The following KALRN variants were observed in gnomAD, a reference collection of about 807,000 sequenced individuals.
KALRN encodes the protein kalirin RhoGEF kinase.
A neutral mutation model predicts 353.7 loss-of-function variants in KALRN; 70 were observed. The observed-to-expected ratio is 0.20, with a 90% CI of 0.16 to 0.24. The LOEUF is 0.24. Ranked by LOEUF, KALRN falls within the 10% of genes least tolerant of loss-of-function variation. The pLI, the probability that KALRN is intolerant of heterozygous loss-of-function variation, is 1.00. For synonymous variants in KALRN, 1,391 were observed against 1,434.8 expected (o/e 0.97, Z 0.69); for missense variants, 2,791 against 3,756.7 (o/e 0.74, Z 6.72).
At chr3:124,240,703 G>C (rs902102384) in intron 3 of KALRN, among the ~76,000 whole-genome samples, 8 of 150,432 alleles carry the variant, frequency 5.3e-5, no homozygotes, top group Non-Finnish European at 1.2e-4. Context: ...CAACTCCCCA[G>C]GGCACTGGGT....
intron 10 of KALRN, among the ~76,000 whole-genome samples, chr3:124,365,458 C>A (rs1212960342): frequency 6.6e-6 from 1 of 152,160 alleles, no homozygotes; most frequent in African/African-American, 2.4e-5. Flanking sequence ...TCTAGAGCAG[C>A]CGTGTGCCTG....
chr3:124,113,631 T>C (rs2063196653), intron 1 of KALRN, among the ~76,000 whole-genome samples: 1 of 152,036 alleles, frequency 6.6e-6, no homozygotes, highest in Admixed American at 6.6e-5. Flanking sequence ...AAGCCATTGG[T>C]AGTTTCTTTT....
intron 17 of KALRN, among the ~76,000 whole-genome samples, chr3:124,437,689 C>CAAAAAAAAAAAA (rs397876079): frequency 2.1e-5 from 1 of 48,332 alleles, no homozygotes; most frequent in East Asian, 7.0e-4. Flanking sequence ...GATTCCGTCT[C>CAAAAAAAAAAAA]AAAAAAAAAA....
chr3:124,171,658 A>T (rs1306809361), intron 1 of KALRN, among the ~76,000 whole-genome samples: 16 of 152,212 alleles, frequency 1.1e-4, no homozygotes, highest in Admixed American at 1.0e-3. Context: ...GAGTGGGCAC[A>T]TAAGGATAGA....
At chr3:124,712,674 G>C (rs925101412) in intron 57 of KALRN, among the ~76,000 whole-genome samples, 1 of 117,130 alleles carries the variant, frequency 8.5e-6, no homozygotes, top group Non-Finnish European at 1.8e-5. Context: ...AAAAAAAAAA[G>C]CTTTATATTA....
At chr3:124,654,424 CT>C (rs1387413884) in intron 38 of KALRN, among the ~76,000 whole-genome samples, 3 of 152,180 alleles carry the variant, frequency 2.0e-5, no homozygotes, top group Non-Finnish European at 4.4e-5. Flanking sequence ...GGTTACCACC[CT>C]TGTGCTGGGG....
chr3:124,063,076 A>G (rs976600934), intron 1 of KALRN, among the ~76,000 whole-genome samples: 2 of 152,148 alleles, frequency 1.3e-5, no homozygotes, highest in Admixed American at 1.3e-4. Flanking sequence ...GGTAGGAGGA[A>G]AAGAGGAGTT....
At chr3:124,444,302 A>C (rs1349777067) in intron 19 of KALRN, among the ~76,000 whole-genome samples, 3 of 152,230 alleles carry the variant, frequency 2.0e-5, no homozygotes, top group African/African-American at 7.2e-5. Context: ...TGGTGATAGC[A>C]GAGGTACAAG....
chr3:124,549,674 T>C (rs1018791120), intron 33 of KALRN, among the ~76,000 whole-genome samples: 21 of 152,098 alleles, frequency 1.4e-4, no homozygotes, highest in Non-Finnish European at 3.1e-4. Flanking sequence ...AGTGTTAAAA[T>C]GTGTAAGATG....
chr3:124,077,543 G>A (rs1369914789), intron 1 of KALRN, among the ~76,000 whole-genome samples: 1 of 151,934 alleles, frequency 6.6e-6, no homozygotes, highest in African/African-American at 2.4e-5. Flanking sequence ...AGTCATTCAG[G>A]TGCATAGCTT....
chr3:124,141,320 C>T (rs2066597757), intron 1 of KALRN, among the ~76,000 whole-genome samples: 1 of 152,208 alleles, frequency 6.6e-6, no homozygotes. Flanking sequence ...ACTCTGTCAG[C>T]CACAACTCCC....
Position 124,719,069 on chromosome 3 carries a change from G to A in KALRN, c.8560G>A (p.Gly2854Ser). Residue 2854 changes from glycine (G) to serine (S), a missense_variant, in exon 60 of 60, where the codon GGC becomes AGC. Around this residue, in one of 11 missense-constraint regions of KALRN, gnomAD observed 188 missense variants for 402.9 expected, o/e 0.47. Coordinates refer to ENST00000682506, the MANE Select transcript of KALRN (RefSeq NM_001388419.1). The surrounding 1 kb of genome is among the most constrained non-coding windows in gnomAD (Gnocchi z 5.3). ...PEFAAPEVIQ[G>S]IPVSLGTDIW... ...GTTTGCTGCCCCAGAAGTCATTCAA[G>A]GCATCCCCGTCTCCCTGGGGACAGA... The A allele has an allele frequency of 6.2e-7, 1 of 1,614,198 alleles. No homozygotes were observed. The highest frequency in any genetic ancestry group is 8.5e-7 in the Non-Finnish European group (1 of 1,180,038).
intron 1 of KALRN, among the ~76,000 whole-genome samples, chr3:124,148,170 G>A (rs187437741): frequency 8.5e-5 from 13 of 152,270 alleles, no homozygotes; most frequent in African/African-American, 2.6e-4. Context: ...TTAGTCAGTA[G>A]CAGGCCATCA....
chr3:124,034,183 C>A (rs944916060), intron 1 of KALRN, among the ~76,000 whole-genome samples: 6 of 152,162 alleles, frequency 3.9e-5, no homozygotes, highest in Non-Finnish European at 7.3e-5. Flanking sequence ...TTGGCTCCCC[C>A]TCCCCTGTGC....
intron 1 of KALRN, among the ~76,000 whole-genome samples, chr3:124,091,613 A>G (rs4678082): frequency 0.89 from 134,985 of 152,170 alleles, 60,549 homozygotes; most frequent in East Asian, 1. Context: ...GTGATATCAA[A>G]TAACTGCTGA....
chr3:124,625,380 A>G (rs2079825388), intron 34 of KALRN, among the ~76,000 whole-genome samples: 1 of 152,170 alleles, frequency 6.6e-6, no homozygotes, highest in Admixed American at 6.5e-5. Context: ...CCAGAAAATG[A>G]GTGTTTTGAC....
At chr3:124,368,983 G>C (rs1472014692) in intron 10 of KALRN, among the ~76,000 whole-genome samples, 1 of 151,976 alleles carries the variant, frequency 6.6e-6, no homozygotes, top group African/African-American at 2.4e-5. Context: ...AGGTTGCAGT[G>C]AGCCGAGATG....
chr3:124,084,495 G>A (rs1252668880), intron 1 of KALRN, among the ~76,000 whole-genome samples: 2 of 152,306 alleles, frequency 1.3e-5, no homozygotes, highest in East Asian at 1.9e-4. Flanking sequence ...AAAAGCACAT[G>A]AGCTGCACAT....
intron 25 of KALRN, among the ~76,000 whole-genome samples, chr3:124,466,632 ATC>A (rs2107795019): frequency 6.6e-6 from 1 of 152,228 alleles, no homozygotes; most frequent in East Asian, 1.9e-4. Context: ...TTTTCATAAA[ATC>A]TCTACTCCCA....
Sources: allele counts gnomAD v4.1 joint callset (sites outside exome capture counted in the v4.1 genomes callset), GRCh38; gene constraint gnomAD v4.1.1; regional missense constraint gnomAD v4.1.1; non-coding constraint Gnocchi (gnomAD v3.1); transcripts MANE v1.5; gene names NCBI Gene and HGNC (gene_info 2026-07-23, HGNC 2026-07-21).